GAS7: variants seen among roughly 807,000 people sequenced by gnomAD.
GAS7 encodes growth arrest specific 7.
GAS7 carries 28 observed loss-of-function variants against 71.1 expected under a neutral mutation model. That is an observed-to-expected ratio of 0.39 (90% CI 0.29 to 0.54). The LOEUF (loss-of-function observed/expected upper bound fraction) is 0.54. GAS7 is among the 20% of genes least tolerant of loss of function. The pLI is 0.62. For synonymous variants in GAS7, 258 were observed against 245.8 expected (o/e 1.05, Z -0.46); for missense variants, 436 against 627.8 (o/e 0.69, Z 3.27).
chr17:10,008,463 C>G (rs1331774178), intron 2 of GAS7, among the ~76,000 whole-genome samples: 1 of 152,224 alleles, frequency 6.6e-6, no homozygotes. Context: ...AAATCTGTCT[C>G]TTTTGTCTTT....
Position 10,071,180 on chromosome 17 carries a change from T to C in GAS7, c.184-51283A>G, listed in dbSNP as rs1178778692. On this transcript the variant is annotated intron_variant, in intron 1 of 13. Coordinates refer to ENST00000432992, the MANE Select transcript of GAS7 (RefSeq NM_201433.2). ...AAAAACTCCAAGCAGAGAGAGCCAG[T>C]GAGGCGACTTGAGAGCTCAGGCTCA... Among the ~76,000 whole-genome samples, 3 of 151,768 alleles carry C rather than the reference T, an allele frequency of 2.0e-5. No homozygotes were observed. In the East Asian group the frequency reaches 5.9e-4, roughly 30 times the overall value.
At chr17:10,138,366 G>A (rs2074055895) in intron 1 of GAS7, among the ~76,000 whole-genome samples, 1 of 152,204 alleles carries the variant, frequency 6.6e-6, no homozygotes, top group African/African-American at 2.4e-5. Context: ...GGGAGGACAT[G>A]CATAACTATC....
chr17:9,938,733 A>G (rs1368635399), intron 8 of GAS7, among the ~76,000 whole-genome samples: 1 of 151,992 alleles, frequency 6.6e-6, no homozygotes, highest in African/African-American at 2.4e-5. Flanking sequence ...ATGAATACAC[A>G]CCCCAAAAGG....
intron 1 of GAS7, among the ~76,000 whole-genome samples, chr17:10,168,234 T>A (rs1294581535): frequency 6.6e-6 from 1 of 152,152 alleles, no homozygotes; most frequent in Non-Finnish European, 1.5e-5. Flanking sequence ...TAACCACTGA[T>A]GTATATGTGC....
At position 10,163,143 on chromosome 17, in the gene GAS7, C is replaced by T. The variant is rs1035345575; in HGVS notation, c.183+35065G>A. Among the ~76,000 whole-genome samples, 4 of 152,292 alleles carry T rather than the reference C, an allele frequency of 2.6e-5. No homozygotes were observed. The South Asian group carries it at 8.3e-4, about 32-fold the overall frequency. On this transcript the variant is annotated intron_variant, in intron 1 of 13. Coordinates refer to ENST00000432992, the MANE Select transcript of GAS7 (RefSeq NM_201433.2). ...TTTTCTTTGTAGAGACTGGGTCTTA[C>T]TCTGTCACCCAGGCTGGACTGCAGT...
rs1437901137 is a variant in GAS7 at position 10,111,532 on chromosome 17, C to CA, written c.183+86675dup. 4.0e-5 allele frequency among the ~76,000 whole-genome samples: 5 copies of CA among 123,692 alleles called. No individual in the cohort carries two copies. In the East Asian group the frequency reaches 7.2e-4, roughly 18 times the overall value. The allele number at this position is 123,692 out of a possible 152,430, so 81.1% of individuals were successfully genotyped here. A position where few individuals can be genotyped will look rare whatever the true frequency, so the allele number is the denominator to read the frequency against. ...TGGGTGACAGAGTGAGACTCTGTCT[C>CA]AAAAAAACAAACAAACAAACAAACA... On this transcript the variant is annotated intron_variant, in intron 1 of 13. Transcript: ENST00000432992.
intron 2 of GAS7, among the ~76,000 whole-genome samples, chr17:10,007,780 T>G (rs565064198): frequency 6.6e-6 from 1 of 152,248 alleles, no homozygotes; most frequent in African/African-American, 2.4e-5. Context: ...GCATATAATA[T>G]AATGGTTTTT....
At chr17:9,984,637 C>T (rs548655251) in intron 2 of GAS7, among the ~76,000 whole-genome samples, 9 of 152,308 alleles carry the variant, frequency 5.9e-5, no homozygotes, top group Admixed American at 2.0e-4. Context: ...CATTCATACG[C>T]TGAGTGACCT....
intron 8 of GAS7, 100 bp downstream of exon 8, chr17:9,940,026 T>C: frequency 1.2e-6 from 1 of 804,034 alleles, no homozygotes. Flanking sequence ...GAGCTCCCCA[T>C]CCAAAGTGGG....
At chr17:10,071,731 C>G (rs2073341287) in intron 1 of GAS7, among the ~76,000 whole-genome samples, 1 of 151,938 alleles carries the variant, frequency 6.6e-6, no homozygotes, top group Non-Finnish European at 1.5e-5. Flanking sequence ...TCAAGACCAG[C>G]CTTGCCAATA....
intron 1 of GAS7, among the ~76,000 whole-genome samples, chr17:10,155,726 G>A (rs1220631705): frequency 2.0e-5 from 3 of 152,070 alleles, no homozygotes; most frequent in Non-Finnish European, 4.4e-5. Flanking sequence ...TGACAGTGTC[G>A]GAGACCCTAA....
chr17:10,087,257 A>G (rs1361888604), intron 1 of GAS7, among the ~76,000 whole-genome samples: 1 of 152,242 alleles, frequency 6.6e-6, no homozygotes, highest in Non-Finnish European at 1.5e-5. Flanking sequence ...TCTGCTAAGC[A>G]GGTAGCCCTC....
At chr17:10,032,111 G>GAA (rs749716743) in intron 1 of GAS7, among the ~76,000 whole-genome samples, 10,805 of 74,430 alleles carry the variant, frequency 0.15, 612 homozygotes, top group Middle Eastern at 0.24. Context: ...GGGAACCTCA[G>GAA]AAAAAAAAAA....
chr17:9,959,932 G>A lies in GAS7; in HGVS notation c.472-677C>T, dbSNP rs563242846. On this transcript the variant is annotated intron_variant, in intron 4 of 13. Coordinates refer to ENST00000432992, the MANE Select transcript of GAS7 (RefSeq NM_201433.2). This position sits in a 1 kb window ranked among gnomAD's most constrained non-coding sequence, Gnocchi z 5.0. ...AGCAGTTTGCCAAAGTCCTGGGATC[G>A]TTCTGGCAGAGAAAATTAAGGACTG... Among the ~76,000 whole-genome samples the A allele has an allele frequency of 1.3e-4, 20 of 152,288 alleles. No individual in the cohort carries two copies. Among genetic ancestry groups the A allele is most frequent in the Admixed American group, 9.8e-4 (15 of 15,298 alleles).
At chr17:10,125,922 T>G (rs2073942311) in intron 1 of GAS7, among the ~76,000 whole-genome samples, 1 of 152,194 alleles carries the variant, frequency 6.6e-6, no homozygotes, top group Non-Finnish European at 1.5e-5. Flanking sequence ...TATCACAGAC[T>G]TGGAATCAGC....
At chr17:9,932,472 C>T (rs772535732) in intron 9 of GAS7, among the ~76,000 whole-genome samples, 16 of 152,320 alleles carry the variant, frequency 1.1e-4, no homozygotes, top group African/African-American at 2.2e-4. Context: ...GGATTACAGG[C>T]GTGAGCCACC....
At chr17:9,931,365 C>G (rs1007057705) in intron 9 of GAS7, among the ~76,000 whole-genome samples, 1 of 152,222 alleles carries the variant, frequency 6.6e-6, no homozygotes, top group African/African-American at 2.4e-5. Context: ...GCACTCTAAA[C>G]AATCAAGAAT....
intron 1 of GAS7, among the ~76,000 whole-genome samples, chr17:10,084,821 C>T (rs1254008916): frequency 6.6e-6 from 1 of 152,166 alleles, no homozygotes. Flanking sequence ...TTCTCTCTCC[C>T]CTGCTGGGCA....
Position 9,912,943 on chromosome 17 carries a change from A to G in GAS7, c.*4285T>C, listed in dbSNP as rs1028474893. 3.2e-4 allele frequency: 75 copies of G among 233,070 alleles called. No homozygotes were observed. The highest frequency in any genetic ancestry group is 1.3e-3 in the Middle Eastern group (1 of 786). 14.4% of individuals were successfully genotyped at this position (233,070 alleles called of 1,614,324 possible). ...TCAAAAGCATTAAGCTGAGGGAAAGATGCCAGACTCAAAAGGCGACATCAG... is the reference window on the plus strand; with the variant it reads ...TCAAAAGCATTAAGCTGAGGGAAAGGTGCCAGACTCAAAAGGCGACATCAG... On this transcript the variant is annotated 3_prime_UTR_variant, in exon 14 of 14. Coordinates refer to ENST00000432992, the MANE Select transcript of GAS7 (RefSeq NM_201433.2).
Sources: allele counts gnomAD v4.1 joint callset (sites outside exome capture counted in the v4.1 genomes callset), GRCh38; gene constraint gnomAD v4.1.1; non-coding constraint Gnocchi (gnomAD v3.1); transcripts MANE v1.5; gene names NCBI Gene and HGNC (gene_info 2026-07-23, HGNC 2026-07-21).